The following CACNA2D1 variants were observed in gnomAD, a reference collection of about 807,000 sequenced individuals.
The protein encoded by CACNA2D1 is voltage-dependent calcium channel subunit alpha-2/delta-1.
Under a neutral mutation model 171.5 loss-of-function variants are expected in CACNA2D1, and 53 were observed. That is an observed-to-expected ratio of 0.31 (90% CI 0.25 to 0.39). The LOEUF is 0.39. Among genes scored for constraint, CACNA2D1 ranks in the 10% least tolerant of loss-of-function variants. The probability of loss-of-function intolerance (pLI) is 1.00; values close to 1 mark genes in which losing one functional copy is unlikely to be tolerated. For synonymous variants in CACNA2D1, 442 were observed against 443.1 expected, an observed-to-expected ratio of 1.00 and a Z score of 0.03; for missense variants, 903 against 1,299.8, an observed-to-expected ratio of 0.69 and a Z score of 4.69.
chr7:82,082,777 AAT>A (rs113501434), intron 7 of CACNA2D1, among the ~76,000 whole-genome samples: 5 of 151,916 alleles, frequency 3.3e-5, no homozygotes, highest in African/African-American at 1.2e-4. Flanking sequence ...TAAATATCTA[AAT>A]ATGTTTTCCA....
At chr7:82,266,729 C>A (rs1807906931) in intron 3 of CACNA2D1, among the ~76,000 whole-genome samples, 1 of 152,132 alleles carries the variant, frequency 6.6e-6, no homozygotes, top group African/African-American at 2.4e-5. Context: ...TTTGGCCAGG[C>A]TGGTCTTGAA....
At chr7:82,280,910 G>C (rs758578628) in intron 3 of CACNA2D1, among the ~76,000 whole-genome samples, 4 of 152,152 alleles carry the variant, frequency 2.6e-5, no homozygotes, top group Admixed American at 6.5e-5. Context: ...ACAAATTTAG[G>C]CTCCTGATTT....
intron 34 of CACNA2D1, among the ~76,000 whole-genome samples, chr7:81,962,970 C>A (rs1562784730): frequency 6.6e-6 from 1 of 151,878 alleles, no homozygotes; most frequent in East Asian, 1.9e-4. Context: ...TGTAATGTAA[C>A]TTTCATGAAA....
At chr7:82,397,341 T>G (rs1179462384) in intron 1 of CACNA2D1, among the ~76,000 whole-genome samples, 1 of 152,238 alleles carries the variant, frequency 6.6e-6, no homozygotes, top group Non-Finnish European at 1.5e-5. Context: ...TATTTTTATT[T>G]TAATATACCT....
chr7:82,320,766 G>A (rs895385215), intron 3 of CACNA2D1, among the ~76,000 whole-genome samples: 3 of 151,622 alleles, frequency 2.0e-5, no homozygotes, highest in African/African-American at 7.3e-5. Flanking sequence ...GTATAATAAA[G>A]CAATCAAAAG....
intron 7 of CACNA2D1, among the ~76,000 whole-genome samples, chr7:82,079,997 TTTTTTA>T (rs1809525429): frequency 1.3e-5 from 2 of 150,736 alleles, no homozygotes; most frequent in African/African-American, 5.0e-5. Flanking sequence ...AATTTTTAAT[TTTTTTA>T]TTTTTAATTA....
intron 1 of CACNA2D1, among the ~76,000 whole-genome samples, chr7:82,364,449 GT>G (rs1376406617): frequency 6.6e-6 from 1 of 152,146 alleles, no homozygotes; most frequent in Non-Finnish European, 1.5e-5. Flanking sequence ...TGGTCAAAAA[GT>G]TTTGTTTAAA....
intron 6 of CACNA2D1, among the ~76,000 whole-genome samples, chr7:82,087,055 A>G (rs1810561052): frequency 6.6e-6 from 1 of 152,170 alleles, no homozygotes; most frequent in African/African-American, 2.4e-5. Flanking sequence ...TGAGCAAATC[A>G]TATAAAGAAT....
At chr7:82,294,455 A>C (rs1019146607) in intron 3 of CACNA2D1, among the ~76,000 whole-genome samples, 1 of 151,914 alleles carries the variant, frequency 6.6e-6, no homozygotes, top group African/African-American at 2.4e-5. Flanking sequence ...TATTTTTACT[A>C]TAATTAAGTT....
At chr7:82,009,506 A>G (rs931058219) in intron 15 of CACNA2D1, among the ~76,000 whole-genome samples, 6 of 152,148 alleles carry the variant, frequency 3.9e-5, no homozygotes, top group African/African-American at 1.4e-4. Context: ...ATAATTTAGT[A>G]AGGATTTGGT....
At chr7:82,228,511 T>TTTGTTTTG (rs1802584612) in intron 3 of CACNA2D1, among the ~76,000 whole-genome samples, 1 of 148,372 alleles carries the variant, frequency 6.7e-6, no homozygotes, top group Non-Finnish European at 1.5e-5. Context: ...TTGTTAACAA[T>TTTGTTTTG]TAGTTACAAA....
At chr7:82,122,829 A>T (rs1402472328) in intron 5 of CACNA2D1, among the ~76,000 whole-genome samples, 1 of 152,200 alleles carries the variant, frequency 6.6e-6, no homozygotes, top group East Asian at 1.9e-4. Context: ...TACTTCTAAA[A>T]AATTAAAAGA....
chr7:82,163,975 TA>T (rs1000483899), intron 4 of CACNA2D1, among the ~76,000 whole-genome samples: 25 of 151,852 alleles, frequency 1.6e-4, no homozygotes, highest in Admixed American at 1.1e-3. Context: ...GTTTTTAGAT[TA>T]AAAAAATTAA....
At chr7:82,111,648 T>C in intron 6 of CACNA2D1, among the ~76,000 whole-genome samples, 1 of 151,282 alleles carries the variant, frequency 6.6e-6, no homozygotes, top group Non-Finnish European at 1.5e-5. Context: ...AGAGTTTCAC[T>C]ATGTTGCCCA....
At chr7:82,332,491 T>C (rs922838600) in intron 3 of CACNA2D1, among the ~76,000 whole-genome samples, 1 of 78,696 alleles carries the variant, frequency 1.3e-5, no homozygotes, top group Non-Finnish European at 2.9e-5. Flanking sequence ...AAACGAAGCA[T>C]AGAAATAAAA....
intron 3 of CACNA2D1, among the ~76,000 whole-genome samples, chr7:82,246,103 T>A (rs1474723511): frequency 6.6e-6 from 1 of 151,946 alleles, no homozygotes; most frequent in Non-Finnish European, 1.5e-5. Context: ...ATTTATTTTA[T>A]AAATGCCTCA....
rs937145848 is a variant in CACNA2D1 at position 82,405,997 on chromosome 7, G to A, written c.95+37368C>T. ...GTTGGTGTGCTGCACCCATTAACTCGTCATTTAACATTAGGTGTATCTCCT... is the reference window on the plus strand; with the variant it reads ...GTTGGTGTGCTGCACCCATTAACTCATCATTTAACATTAGGTGTATCTCCT... On this transcript the variant is annotated intron_variant, in intron 1 of 38. Coordinates refer to ENST00000356860, the MANE Select transcript of CACNA2D1 (RefSeq NM_000722.4). Among the ~76,000 whole-genome samples, 8 of 151,878 alleles carry A rather than the reference G, an allele frequency of 5.3e-5. No homozygotes were observed. The East Asian group carries it at 1.5e-3, about 29-fold the overall frequency.
At chr7:82,262,008 A>G (rs1807167835) in intron 3 of CACNA2D1, among the ~76,000 whole-genome samples, 2 of 152,216 alleles carry the variant, frequency 1.3e-5, no homozygotes, top group Admixed American at 6.5e-5. Flanking sequence ...TCACTGACTT[A>G]TATGCAACCT....
At chr7:81,987,444 T>C (rs564090877) in intron 21 of CACNA2D1, among the ~76,000 whole-genome samples, 153 of 152,308 alleles carry the variant, frequency 1.0e-3, no homozygotes, top group African/African-American at 3.4e-3. Flanking sequence ...AAGTGGACTA[T>C]AACACACTTT....
Sources: allele counts gnomAD v4.1 joint callset (sites outside exome capture counted in the v4.1 genomes callset), GRCh38; gene constraint gnomAD v4.1.1; transcripts MANE v1.5; gene names NCBI Gene and HGNC (gene_info 2026-07-23, HGNC 2026-07-21).